The following SVOP variants were observed in gnomAD, a reference collection of about 807,000 sequenced individuals.
The protein encoded by SVOP is SV2 related protein.
In SVOP, 17 loss-of-function variants were observed where a neutral mutation model predicts 69.1. The observed-to-expected ratio is 0.25, with a 90% confidence interval of 0.17 to 0.37. SVOP has a LOEUF of 0.37. Among genes scored for constraint, SVOP ranks in the 10% least tolerant of loss-of-function variants. The probability of loss-of-function intolerance (pLI) is 1.00; values close to 1 mark genes in which losing one functional copy is unlikely to be tolerated. For synonymous variants in SVOP, 238 were observed against 238.6 expected (o/e 1.00, Z 0.02); for missense variants, 435 against 597.5 (o/e 0.73, Z 2.84).
intron 7 of SVOP, among the ~76,000 whole-genome samples, chr12:108,941,307 T>G (rs1209569999): frequency 6.6e-6 from 1 of 151,520 alleles, no homozygotes; most frequent in Non-Finnish European, 1.5e-5. Context: ...ACTGTAGCCT[T>G]AACCTCCCAG....
intron 6 of SVOP, 23 bp downstream of exon 6, chr12:108,960,900 G>T: frequency 1.3e-5 from 20 of 1,535,962 alleles, no homozygotes; most frequent in Non-Finnish European, 1.7e-5. Flanking sequence ...TGGCTGCATA[G>T]CCAGCACTGG....
chr12:108,973,179 C>T (rs142034666), intron 4 of SVOP, among the ~76,000 whole-genome samples: 2,950 of 152,270 alleles, frequency 0.019, 86 homozygotes, highest in African/African-American at 0.067. Flanking sequence ...ACACATCTTA[C>T]TGCATCCTCA....
At chr12:108,996,610 C>T (rs2040234033) in intron 1 of SVOP, among the ~76,000 whole-genome samples, 1 of 151,754 alleles carries the variant, frequency 6.6e-6, no homozygotes, top group Non-Finnish European at 1.5e-5. Flanking sequence ...CCAGAGGCCC[C>T]AGCAATCCCT....
At chr12:109,016,360 T>G (rs1209935443) in intron 1 of SVOP, among the ~76,000 whole-genome samples, 1 of 152,152 alleles carries the variant, frequency 6.6e-6, no homozygotes, top group Non-Finnish European at 1.5e-5. Context: ...TTTATTAAAA[T>G]GGTGGACCCA....
chr12:108,931,658 C>G (rs2039819718), intron 11 of SVOP, among the ~76,000 whole-genome samples: 1 of 152,022 alleles, frequency 6.6e-6, no homozygotes, highest in Non-Finnish European at 1.5e-5. Context: ...ATGGTGAAAC[C>G]CCGTCTCTAC....
chr12:108,997,253 C>A (rs1449350190), intron 1 of SVOP, among the ~76,000 whole-genome samples: 2 of 152,066 alleles, frequency 1.3e-5, no homozygotes, highest in Non-Finnish European at 2.9e-5. Flanking sequence ...CTTTTCAGAC[C>A]GGCTTAAAAA....
intron 11 of SVOP, among the ~76,000 whole-genome samples, chr12:108,928,394 A>T (rs886767446): frequency 6.6e-6 from 1 of 152,082 alleles, no homozygotes; most frequent in Non-Finnish European, 1.5e-5. Flanking sequence ...TTGATTTCTT[A>T]TCACCCTGGC....
In SVOP at chr12:108,972,493, A is replaced by T; in HGVS notation, c.382-17T>A. On this transcript the variant is annotated splice_polypyrimidine_tract_variant and intron_variant, in intron 4 of 15. Transcript: ENST00000610966. ...AAAGACCACCTGTGGGGGGAAAGAC[A>T]GTTGTCATTAGACAGAGGATGTGGA... 6.5e-7 allele frequency: 1 copy of T among 1,536,842 alleles called. No individual in the cohort carries two copies. The highest frequency in any genetic ancestry group is 8.7e-7 in the Non-Finnish European group (1 of 1,146,528).
intron 3 of SVOP, among the ~76,000 whole-genome samples, chr12:108,978,250 C>T (rs904119436): frequency 2.0e-5 from 3 of 152,208 alleles, no homozygotes; most frequent in Non-Finnish European, 4.4e-5. Flanking sequence ...GCAGAAGGCA[C>T]ATTTCTAATC....
intron 14 of SVOP, among the ~76,000 whole-genome samples, 174 bp from the exon 15 acceptor site, chr12:108,916,046 C>CG (rs1593175212): frequency 6.6e-6 from 1 of 152,298 alleles, no homozygotes; most frequent in East Asian, 1.9e-4. Context: ...ATGGGAGGCT[C>CG]AACTCAGACC....
chr12:108,984,305 A>C (rs1437429950), intron 1 of SVOP, among the ~76,000 whole-genome samples: 6 of 152,186 alleles, frequency 3.9e-5, no homozygotes, highest in Middle Eastern at 3.2e-3. Context: ...GGTGTGAGCT[A>C]CCACGCCTGG....
In SVOP at chr12:108,921,473, A is replaced by G. The variant is rs114263754; in HGVS notation, c.1156+1217T>C. 2.9e-3 allele frequency among the ~76,000 whole-genome samples: 437 copies of G among 152,298 alleles called. 2 individuals carry two copies. Among genetic ancestry groups the G allele is most frequent in the African/African-American group, 9.9e-3 (410 of 41,570 alleles). ...TGGGGAAGTAAATTTGGGAAGGGAA[A>G]GCAACAAACAAAAGGTGGGTATCAA... is the stretch of plus-strand genomic sequence containing the variant. On this transcript the variant is annotated intron_variant, in intron 12 of 15. Coordinates refer to ENST00000610966, the MANE Select transcript of SVOP (RefSeq NM_018711.5).
At chr12:108,964,889 T>C (rs1285295299) in intron 5 of SVOP, among the ~76,000 whole-genome samples, 1 of 152,206 alleles carries the variant, frequency 6.6e-6, no homozygotes, top group Non-Finnish European at 1.5e-5. Flanking sequence ...ATAGACATTA[T>C]GCATTCATTA....
At chr12:108,947,554 T>C (rs1012869115) in intron 6 of SVOP, among the ~76,000 whole-genome samples, 8 of 152,214 alleles carry the variant, frequency 5.3e-5, no homozygotes, top group Admixed American at 5.2e-4. Flanking sequence ...ATCCTCAATA[T>C]GGCTATGTCT....
intron 1 of SVOP, among the ~76,000 whole-genome samples, chr12:108,997,498 T>A (rs1416772479): frequency 6.6e-6 from 1 of 152,166 alleles, no homozygotes; most frequent in East Asian, 1.9e-4. Flanking sequence ...AGGCTCCACC[T>A]CTGCGGGCAG....
At chr12:108,933,989 C>T (rs1447322192) in intron 11 of SVOP, among the ~76,000 whole-genome samples, 1 of 152,146 alleles carries the variant, frequency 6.6e-6, no homozygotes, top group Non-Finnish European at 1.5e-5. Context: ...CTTCAGAGCC[C>T]AAACCCTGAC....
At chr12:108,935,283 C>G (rs1322426690) in intron 10 of SVOP, among the ~76,000 whole-genome samples, 3 of 152,224 alleles carry the variant, frequency 2.0e-5, no homozygotes, top group Non-Finnish European at 4.4e-5. Context: ...AAGACCGGAA[C>G]CTTCTCATCC....
chr12:109,020,754 A>AGGGCGGCCCCCCC, intron 1 of SVOP, 80 bp downstream of exon 1: 1 of 237,612 alleles, frequency 4.2e-6, no homozygotes, highest in Non-Finnish European at 8.2e-6. Context: ...GCAGAGATGT[A>AGGGCGGCCCCCCC]CCCCCCCCCA....
chr12:109,000,224 A>G (rs2040260909), intron 1 of SVOP, among the ~76,000 whole-genome samples: 2 of 151,858 alleles, frequency 1.3e-5, no homozygotes, highest in South Asian at 4.2e-4. Flanking sequence ...AAATGGATAA[A>G]TTCCTCGACA....
Sources: allele counts gnomAD v4.1 joint callset (sites outside exome capture counted in the v4.1 genomes callset), GRCh38; gene constraint gnomAD v4.1.1; transcripts MANE v1.5; gene names NCBI Gene and HGNC (gene_info 2026-07-23, HGNC 2026-07-21).